The following HACE1 variants were observed in gnomAD, a reference collection of about 807,000 sequenced individuals.
HACE1 encodes E3 ubiquitin-protein ligase HACE1.
HACE1 carries 73 observed loss-of-function variants against 118.4 expected under a neutral mutation model. The observed-to-expected ratio is 0.62, with a 90% confidence interval of 0.51 to 0.75. The LOEUF (loss-of-function observed/expected upper bound fraction) is 0.75, where lower values mean the gene tolerates loss of function less well. Ranked by LOEUF, HACE1 falls within the 30% of genes least tolerant of loss-of-function variation. The pLI is 0.00. For synonymous variants in HACE1, 368 were observed against 374.8 expected (o/e 0.98, Z 0.21); for missense variants, 749 against 1,102.2 (o/e 0.68, Z 4.54).
intron 11 of HACE1, among the ~76,000 whole-genome samples, chr6:104,790,277 T>C (rs769602764): frequency 8.5e-5 from 13 of 152,128 alleles, no homozygotes; most frequent in Non-Finnish European, 1.2e-4. Context: ...TATTTTTACC[T>C]TTTTGCAAAA....
At chr6:104,738,626 TA>T (rs1156436145) in intron 22 of HACE1, among the ~76,000 whole-genome samples, 2 of 148,444 alleles carry the variant, frequency 1.3e-5, no homozygotes, top group African/African-American at 5.1e-5. Flanking sequence ...GAAAAAAGAA[TA>T]AAAAGAAATG....
chr6:104,770,684 G>A lies in HACE1; in HGVS notation c.2211+509C>T, dbSNP rs534555707. On this transcript the variant is annotated intron_variant, in intron 19 of 23. Transcript: ENST00000262903. Reference sequence around the variant, plus strand: ...CAGTGAGCCGAGATCATACCACTGCGCTCCAGCCTGGGTGACAGAGTGAGA... The same window carrying A: ...CAGTGAGCCGAGATCATACCACTGCACTCCAGCCTGGGTGACAGAGTGAGA... 1.1e-4 allele frequency among the ~76,000 whole-genome samples: 17 copies of A among 152,146 alleles called. No individual in the cohort carries two copies. The East Asian group carries it at 2.3e-3, about 21-fold the overall frequency.
At chr6:104,852,407 T>A in intron 1 of HACE1, 36 bp from the exon 2 acceptor site, 1 of 1,265,086 alleles carries the variant, frequency 7.9e-7, no homozygotes, top group South Asian at 1.2e-5. Flanking sequence ...ATTTATCCCC[T>A]ACTTTGTGCA....
At chr6:104,765,723 C>G (rs1779928629) in intron 19 of HACE1, among the ~76,000 whole-genome samples, 1 of 152,164 alleles carries the variant, frequency 6.6e-6, no homozygotes, top group East Asian at 1.9e-4. Context: ...GATCGGCATA[C>G]CATTAAGTGG....
At chr6:104,742,817 T>C (rs1375900040) in intron 22 of HACE1, among the ~76,000 whole-genome samples, 1 of 152,102 alleles carries the variant, frequency 6.6e-6, no homozygotes, top group Non-Finnish European at 1.5e-5. Context: ...ACTGGGTATA[T>C]ACCCAAAGGA....
At chr6:104,740,236 C>A (rs1361509564) in intron 22 of HACE1, among the ~76,000 whole-genome samples, 1 of 145,168 alleles carries the variant, frequency 6.9e-6, no homozygotes, top group Non-Finnish European at 1.5e-5. Context: ...AAATTGACAC[C>A]CTAACATCAC....
intron 11 of HACE1, 83 bp downstream of exon 11, chr6:104,791,421 G>A: frequency 2.4e-6 from 3 of 1,250,544 alleles, no homozygotes; most frequent in Admixed American, 3.4e-5. Context: ...CTGTTCATGA[G>A]CTTTCTGATT....
chr6:104,832,892 C>A, intron 6 of HACE1, 150 bp downstream of exon 6: 3 of 709,198 alleles, frequency 4.2e-6, no homozygotes, highest in South Asian at 3.1e-5. Context: ...AAGTGAGGCC[C>A]TGTCTCAAAA....
intron 19 of HACE1, among the ~76,000 whole-genome samples, chr6:104,751,554 C>T (rs1021168954): frequency 6.6e-6 from 1 of 152,114 alleles, no homozygotes; most frequent in African/African-American, 2.4e-5. Flanking sequence ...TGCTTGAGCC[C>T]AGGAGTTCGA....
At chr6:104,803,018 G>T (rs931822043) in intron 7 of HACE1, among the ~76,000 whole-genome samples, 15 of 152,024 alleles carry the variant, frequency 9.9e-5, no homozygotes, top group African/African-American at 3.6e-4. Context: ...ACAATAAGAA[G>T]TGATAAAGGG....
chr6:104,826,057 A>T (rs1304065840), intron 6 of HACE1, among the ~76,000 whole-genome samples: 2 of 152,224 alleles, frequency 1.3e-5, no homozygotes, highest in Non-Finnish European at 2.9e-5. Flanking sequence ...TGATTCTCAT[A>T]GGAGCATGAA....
At chr6:104,852,214 TGTGTGTGTGTGTGTGC>T (rs1776290266) in intron 2 of HACE1, 87 bp downstream of exon 2, 10 of 701,762 alleles carry the variant, frequency 1.4e-5, no homozygotes, top group Non-Finnish European at 2.6e-5. Context: ...TGTGTGTGTG[TGTGTGTGTGTGTGTGC>T]GCGCGTGCGC....
chr6:104,762,378 G>T (rs1004463429), intron 19 of HACE1, among the ~76,000 whole-genome samples: 2 of 152,124 alleles, frequency 1.3e-5, no homozygotes, highest in African/African-American at 4.8e-5. Context: ...CATAAAAAAT[G>T]GTGAGTTCAT....
chr6:104,756,919 T>C lies in HACE1; in HGVS notation c.2212-6447A>G, dbSNP rs868018298. ...TCTGTGCCTGGCTCAGAGGGTCGCA[T>C]GCCCATGGAGCCTTGCTTGCTGCCA... is the stretch of plus-strand genomic sequence containing the variant. On this transcript the variant is annotated intron_variant, in intron 19 of 23. Coordinates refer to ENST00000262903, the MANE Select transcript of HACE1 (RefSeq NM_020771.4). 2.2e-4 allele frequency among the ~76,000 whole-genome samples: 33 copies of C among 152,346 alleles called. No homozygotes were observed. The Middle Eastern group carries it at 0.014, about 63-fold the overall frequency.
intron 1 of HACE1, among the ~76,000 whole-genome samples, chr6:104,852,747 A>C (rs1776367247): frequency 6.6e-6 from 1 of 152,186 alleles, no homozygotes; most frequent in African/African-American, 2.4e-5. Context: ...AATTTCTTTT[A>C]CTTCCAAAGA....
intron 6 of HACE1, among the ~76,000 whole-genome samples, chr6:104,830,208 C>T (rs147801724): frequency 1.3e-4 from 20 of 152,252 alleles, no homozygotes; most frequent in Admixed American, 2.0e-4. Flanking sequence ...TGAGAGCTAT[C>T]GGCTAGACTC....
intron 6 of HACE1, among the ~76,000 whole-genome samples, chr6:104,818,566 G>C (rs1224274078): frequency 2.0e-5 from 3 of 151,858 alleles, no homozygotes; most frequent in Admixed American, 6.6e-5. Flanking sequence ...ACCAAAACCT[G>C]GCAGAGATAC....
chr6:104,806,696 T>A (rs1203092127), intron 7 of HACE1, among the ~76,000 whole-genome samples: 1 of 152,188 alleles, frequency 6.6e-6, no homozygotes, highest in African/African-American at 2.4e-5. Context: ...GAAGTTGTTT[T>A]TGAGATAGTC....
intron 7 of HACE1, among the ~76,000 whole-genome samples, chr6:104,808,668 C>T (rs1771287783): frequency 6.6e-6 from 1 of 152,076 alleles, no homozygotes; most frequent in Admixed American, 6.6e-5. Flanking sequence ...TTCCATTTAA[C>T]CTTTATCTTA....
Sources: allele counts gnomAD v4.1 joint callset (sites outside exome capture counted in the v4.1 genomes callset), GRCh38; gene constraint gnomAD v4.1.1; transcripts MANE v1.5; gene names NCBI Gene and HGNC (gene_info 2026-07-23, HGNC 2026-07-21).